The following COLGALT2 variants were observed in gnomAD, a reference collection of about 807,000 sequenced individuals.
COLGALT2 encodes procollagen galactosyltransferase 2.
Under a neutral mutation model 73.4 loss-of-function variants are expected in COLGALT2, and 49 were observed. The observed-to-expected ratio is 0.67, with a 90% CI of 0.53 to 0.85. The LOEUF is 0.85. COLGALT2 is among the 40% of genes least tolerant of loss of function. The probability of loss-of-function intolerance (pLI) is 0.00; values close to 1 mark genes in which losing one functional copy is unlikely to be tolerated. For synonymous variants in COLGALT2, 295 were observed against 307.6 expected, an observed-to-expected ratio of 0.96 and a Z score of 0.43; for missense variants, 722 against 790.2, an observed-to-expected ratio of 0.91 and a Z score of 1.03.
intron 1 of COLGALT2, among the ~76,000 whole-genome samples, chr1:184,025,092 T>G (rs1277767881): frequency 6.6e-6 from 1 of 152,234 alleles, no homozygotes; most frequent in Non-Finnish European, 1.5e-5. Context: ...ACAGGCGTTA[T>G]GAAAGCTGTT....
Position 183,999,623 on chromosome 1 carries a change from A to G in COLGALT2, c.264-21103T>C, listed in dbSNP as rs6677466. 2.8e-3 allele frequency among the ~76,000 whole-genome samples: 427 copies of G among 152,128 alleles called. 1 individual carries two copies. Among genetic ancestry groups the G allele is most frequent in the African/African-American group, 9.1e-3 (379 of 41,514 alleles). ...GGGGAAGATTTTAAACTACTGACTC[A>G]ATTTCTTCAATGTTTATAAAAACGT... On this transcript the variant is annotated intron_variant, in intron 1 of 11. Transcript: ENST00000361927.
intron 6 of COLGALT2, among the ~76,000 whole-genome samples, chr1:183,957,506 C>T (rs1251984845): frequency 6.6e-6 from 1 of 152,192 alleles, no homozygotes; most frequent in Non-Finnish European, 1.5e-5. Flanking sequence ...CGCTTCTTCT[C>T]TATAATTTCT....
Position 183,937,608 on chromosome 1 carries a change from A to G in COLGALT2, c.*1153T>C. 4 of 985,366 alleles carry G rather than the reference A, an allele frequency of 4.1e-6. No homozygotes were observed. Among genetic ancestry groups the G allele is most frequent in the Non-Finnish European group, 4.8e-6 (4 of 829,950 alleles). The allele number at this position is 985,366 out of a possible 1,614,324, so 61.0% of individuals were successfully genotyped here. The stretch of plus-strand genomic sequence containing the variant: ...AAATAGTTCAAATCCCCCCATCCAC[A>G]GGCCTCCCCACAAGAGCCTGGCTGG... On this transcript the variant is annotated 3_prime_UTR_variant, in exon 12 of 12. Transcript: ENST00000361927.
intron 1 of COLGALT2, among the ~76,000 whole-genome samples, chr1:184,015,245 C>A: frequency 6.6e-6 from 1 of 152,176 alleles, no homozygotes; most frequent in East Asian, 1.9e-4. Flanking sequence ...GGGAACATGG[C>A]AGAATGAGAG....
Position 184,037,589 on chromosome 1 carries a change from G to A in COLGALT2, c.-232C>T. ...GCGGGTGCGCAGCGTACCTGCAGCC[G>A]CTGGCGCTCCCCTGCGCCTCGGGCT... On this transcript the variant is annotated 5_prime_UTR_variant, in exon 1 of 12. Transcript: ENST00000361927. 5 of 1,090,398 alleles carry A rather than the reference G, an allele frequency of 4.6e-6. No individual in the cohort carries two copies. The highest frequency in any genetic ancestry group is 4.4e-6 in the Non-Finnish European group (4 of 898,990). 67.5% of individuals were successfully genotyped at this position (1,090,398 alleles called of 1,614,324 possible). A position where few individuals can be genotyped will look rare whatever the true frequency, so the allele number is the denominator to read the frequency against.
chr1:183,959,407 TC>T (rs1670636668), intron 6 of COLGALT2, among the ~76,000 whole-genome samples: 1 of 152,104 alleles, frequency 6.6e-6, no homozygotes, highest in South Asian at 2.1e-4. Context: ...CAAAACTAGC[TC>T]CCCAACCCCC....
intron 4 of COLGALT2, among the ~76,000 whole-genome samples, chr1:183,971,936 T>A (rs139752004): frequency 4.1e-4 from 63 of 152,328 alleles, no homozygotes; most frequent in Non-Finnish European, 8.1e-4. Context: ...GTTTGCATGG[T>A]GGGAGTATTT....
intron 6 of COLGALT2, among the ~76,000 whole-genome samples, chr1:183,959,846 A>G (rs547219500): frequency 6.6e-6 from 1 of 151,830 alleles, no homozygotes; most frequent in East Asian, 1.9e-4. Flanking sequence ...CCTTGACCCA[A>G]CTCATTCTTT....
At chr1:183,930,569 C>CTTATTTTTTTTTTTTTT (rs1669822914) in intron 11 of COLGALT2, among the ~76,000 whole-genome samples, 1 of 114,066 alleles carries the variant, frequency 8.8e-6, no homozygotes, top group Non-Finnish European at 1.7e-5. Context: ...TTTTCTTTTT[C>CTTATTTTTTTTTTTTTT]TTTTTTTTTT....
At chr1:183,984,758 T>C (rs1003031530) in intron 1 of COLGALT2, among the ~76,000 whole-genome samples, 1 of 152,156 alleles carries the variant, frequency 6.6e-6, no homozygotes, top group Non-Finnish European at 1.5e-5. Flanking sequence ...GGTTCCTATT[T>C]CCCCTTCTTC....
rs556607448 is a variant in COLGALT2 at position 183,942,096 on chromosome 1, C to T, written c.1398-1309G>A. The stretch of plus-strand genomic sequence containing the variant: ...CCTGAGTAGCTGGGACTACAGGAGC[C>T]CGCCACCATGCCCGGCTAATTTTTT... On this transcript the variant is annotated intron_variant, in intron 10 of 11. Coordinates refer to ENST00000361927, the MANE Select transcript of COLGALT2 (RefSeq NM_015101.4). 1.2e-4 allele frequency among the ~76,000 whole-genome samples: 19 copies of T among 152,050 alleles called. 1 individual carries two copies. The East Asian group carries it at 3.7e-3, about 29-fold the overall frequency.
chr1:183,963,786 A>G, intron 6 of COLGALT2, 115 bp downstream of exon 6: 1 of 1,120,536 alleles, frequency 8.9e-7, no homozygotes, highest in Non-Finnish European at 1.2e-6. Context: ...CTATGTATTC[A>G]GCCAGGGGAG....
chr1:183,954,981 G>C, intron 6 of COLGALT2, 143 bp from the exon 7 acceptor site: 1 of 668,076 alleles, frequency 1.5e-6, no homozygotes, highest in Non-Finnish European at 2.8e-6. Context: ...CTCCAGGATT[G>C]AGTAGCCACA....
chr1:184,028,841 T>C (rs1253121202), intron 1 of COLGALT2, among the ~76,000 whole-genome samples: 47 of 152,202 alleles, frequency 3.1e-4, no homozygotes, highest in Non-Finnish European at 4.4e-5. Flanking sequence ...GGGAAGGAGA[T>C]TATTTTGCAT....
chr1:183,984,500 T>C (rs1449570084), intron 1 of COLGALT2, among the ~76,000 whole-genome samples: 1 of 152,180 alleles, frequency 6.6e-6, no homozygotes. Flanking sequence ...ACAATAACTT[T>C]CCTTTACCTC....
At chr1:183,934,407 C>T (rs746995894), downstream of COLGALT2, among the ~76,000 whole-genome samples, 4 of 152,210 alleles carry the variant, frequency 2.6e-5, no homozygotes, top group South Asian at 2.1e-4. Context: ...CCCTCCTCTC[C>T]TGCTGGCCTT....
At position 183,930,318 on chromosome 1, in the gene COLGALT2, AAGAG is replaced by A. The variant is rs536213821; in HGVS notation, c.1605-33_1605-30del. The A allele has an allele frequency of 2.1e-3, 978 of 456,242 alleles. 2 individuals are homozygous for A. Among genetic ancestry groups the A allele is most frequent in the Non-Finnish European group, 3.4e-3 (782 of 226,938 alleles). 28.3% of individuals were successfully genotyped at this position (456,242 alleles called of 1,614,324 possible). ...CACAGAACAGAGGAAGAGTTGAAGAAAGAGAGATGCTGAAAGGAGAAAATACTAG... is the reference window on the plus strand; with the variant it reads ...CACAGAACAGAGGAAGAGTTGAAGAAAGATGCTGAAAGGAGAAAATACTAG... On this transcript the variant is annotated intron_variant, in intron 11 of 11. Transcript: ENST00000649786.
At chr1:184,005,442 A>G (rs1386093112) in intron 1 of COLGALT2, among the ~76,000 whole-genome samples, 1 of 152,152 alleles carries the variant, frequency 6.6e-6, no homozygotes, top group Non-Finnish European at 1.5e-5. Context: ...ATTTCTGGTT[A>G]GTGGAGCAAA....
intron 10 of COLGALT2, among the ~76,000 whole-genome samples, chr1:183,941,139 A>G (rs1296905271): frequency 6.6e-6 from 1 of 152,224 alleles, no homozygotes. Context: ...AGGCACAAAA[A>G]AAGGCCAGAT....
Sources: allele counts gnomAD v4.1 joint callset (sites outside exome capture counted in the v4.1 genomes callset), GRCh38; gene constraint gnomAD v4.1.1; transcripts MANE v1.5; gene names NCBI Gene and HGNC (gene_info 2026-07-23, HGNC 2026-07-21).